Variants in MAP2K5 observed in about 807,000 individuals in gnomAD.
The protein encoded by MAP2K5 is dual specificity mitogen-activated protein kinase kinase 5.
MAP2K5 carries 49 observed loss-of-function variants against 83.1 expected under a neutral mutation model. That is an observed-to-expected ratio of 0.59 (90% CI 0.47 to 0.75). The LOEUF (loss-of-function observed/expected upper bound fraction) is 0.75, where lower values mean the gene tolerates loss of function less well. Among genes scored for constraint, MAP2K5 ranks in the 30% least tolerant of loss-of-function variants. The probability of loss-of-function intolerance (pLI) is 0.00; values close to 1 mark genes in which losing one functional copy is unlikely to be tolerated. For missense variants in MAP2K5, 457 were observed against 557.5 expected, an observed-to-expected ratio of 0.82 and a Z score of 1.82; for synonymous variants, 202 against 191.8, an observed-to-expected ratio of 1.05 and a Z score of -0.44.
Position 67,636,403 on chromosome 15 carries a change from G to A in MAP2K5, c.585+5476G>A, listed in dbSNP as rs532021639. On this transcript the variant is annotated intron_variant, in intron 9 of 21. Transcript: ENST00000178640. This position sits in a 1 kb window ranked among gnomAD's most constrained non-coding sequence, Gnocchi z 4.7. ...AGCCTGGGCAACAGAATAAGACTCC[G>A]TCTCAAAAAAAAAAAAAAAGTATGA... Among the ~76,000 whole-genome samples, 196 of 146,242 alleles carry A rather than the reference G, an allele frequency of 1.3e-3. No individual in the cohort carries two copies. The highest frequency in any genetic ancestry group is 2.4e-3 in the Non-Finnish European group (162 of 66,878).
intron 3 of MAP2K5, among the ~76,000 whole-genome samples, chr15:67,575,394 GGTT>G (rs886805376): frequency 3.3e-4 from 50 of 152,110 alleles, no homozygotes; most frequent in African/African-American, 1.2e-3. Flanking sequence ...GTGGGGGAGT[GGTT>G]GTTGCCAAAG....
At chr15:67,627,928 C>A in intron 8 of MAP2K5, 1 of 788,916 alleles carries the variant, frequency 1.3e-6, no homozygotes. Flanking sequence ...TTGAAACAAC[C>A]GATGAGAGCC....
rs1027123017 is a variant in MAP2K5, at chr15:67,758,545, C to T, written c.1134+9944C>T. Among the ~76,000 whole-genome samples the T allele has an allele frequency of 6.6e-6, 1 of 152,184 alleles. No homozygotes were observed. The highest frequency in any genetic ancestry group is 1.5e-5 in the Non-Finnish European group (1 of 68,038). ...TTTTATTTCTGTCTTCCTAGTACTG[C>T]ACCTAACATCCTATAGGCTCTTGTA... On this transcript the variant is annotated intron_variant, in intron 19 of 21. Coordinates refer to ENST00000178640, the MANE Select transcript of MAP2K5 (RefSeq NM_145160.3). The surrounding 1 kb of genome is among the most constrained non-coding windows in gnomAD (Gnocchi z 4.7).
At chr15:67,772,012 A>G (rs1423916026) in intron 20 of MAP2K5, among the ~76,000 whole-genome samples, 1 of 152,228 alleles carries the variant, frequency 6.6e-6, no homozygotes, top group Non-Finnish European at 1.5e-5. Flanking sequence ...TGTTACAGCT[A>G]CTAATTATAT....
At chr15:67,694,993 G>A (rs982302093) in intron 15 of MAP2K5, among the ~76,000 whole-genome samples, 24 of 151,696 alleles carry the variant, frequency 1.6e-4, no homozygotes, top group African/African-American at 5.3e-4. Context: ...ATCATTCTCA[G>A]TAAACTATTG....
At chr15:67,586,055 A>T (rs997607384) in intron 5 of MAP2K5, 125 bp downstream of exon 5, 24 of 832,186 alleles carry the variant, frequency 2.9e-5, no homozygotes, top group Non-Finnish European at 4.2e-5. Flanking sequence ...TATTTTTTTT[A>T]AATGGGAGGT....
At chr15:67,686,371 C>T in intron 13 of MAP2K5, among the ~76,000 whole-genome samples, 1 of 152,008 alleles carries the variant, frequency 6.6e-6, no homozygotes, top group Non-Finnish European at 1.5e-5. Context: ...CTTTGGGAGG[C>T]CAAGGCAAGC....
At chr15:67,671,054 C>G (rs964399565) in intron 13 of MAP2K5, among the ~76,000 whole-genome samples, 10 of 152,312 alleles carry the variant, frequency 6.6e-5, no homozygotes, top group African/African-American at 2.4e-4. Context: ...CTGGGTGACC[C>G]CAGAAAGGCA....
chr15:67,553,577 T>G (rs1744173937), intron 2 of MAP2K5, among the ~76,000 whole-genome samples: 1 of 152,228 alleles, frequency 6.6e-6, no homozygotes, highest in South Asian at 2.1e-4. Context: ...TGACTTTTTT[T>G]TCTGAACCAG....
intron 13 of MAP2K5, among the ~76,000 whole-genome samples, chr15:67,679,068 A>G (rs2087750271): frequency 6.6e-6 from 1 of 151,362 alleles, no homozygotes; most frequent in South Asian, 2.1e-4. Context: ...AGGAGCTTTT[A>G]TTTGTTTTGA....
intron 3 of MAP2K5, among the ~76,000 whole-genome samples, chr15:67,575,373 G>T (rs540317509): frequency 1.3e-5 from 2 of 152,014 alleles, no homozygotes; most frequent in Non-Finnish European, 2.9e-5. Context: ...GTGGCGGGGC[G>T]GGGGAGGGCA....
Position 67,636,991 on chromosome 15 carries a change from G to A in MAP2K5, c.585+6064G>A, listed in dbSNP as rs1036482159. 2.0e-5 allele frequency among the ~76,000 whole-genome samples: 3 copies of A among 152,144 alleles called. No individual in the cohort carries two copies. The highest frequency in any genetic ancestry group is 2.1e-4 in the South Asian group (1 of 4,822). On this transcript the variant is annotated intron_variant, in intron 9 of 21. Transcript: ENST00000178640. The surrounding 1 kb of genome is among the most constrained non-coding windows in gnomAD (Gnocchi z 4.7). ...AGGACTTGACTTGCTGAGTCTTCCCGCCTTCATCTTTCTTCCATGCTGGAT... is the reference window on the plus strand; with the variant it reads ...AGGACTTGACTTGCTGAGTCTTCCCACCTTCATCTTTCTTCCATGCTGGAT...
intron 16 of MAP2K5, among the ~76,000 whole-genome samples, chr15:67,709,897 A>C (rs1353959395): frequency 6.6e-6 from 1 of 152,126 alleles, no homozygotes; most frequent in Non-Finnish European, 1.5e-5. Context: ...TAATATTCTT[A>C]TTTTCACTGA....
chr15:67,693,541 G>C lies in MAP2K5; in HGVS notation c.945G>C (p.Thr315=). The C allele has an allele frequency of 6.2e-7, 1 of 1,611,660 alleles. No homozygotes were observed. Among genetic ancestry groups the C allele is most frequent in the South Asian group, 1.1e-5 (1 of 90,844 alleles). The change falls in exon 15 of 22, where the codon ACG becomes ACC. Residue 315 remains threonine (T), a synonymous_variant. Coordinates refer to ENST00000178640, the MANE Select transcript of MAP2K5 (RefSeq NM_145160.3). ...AGCTGGTGAATTCTATAGCCAAGACGTATGTTGGAACAAATGCTTATATGG... is the reference window on the plus strand; with the variant it reads ...AGCTGGTGAATTCTATAGCCAAGACCTATGTTGGAACAAATGCTTATATGG... ...STQLVNSIAK[T]YVGTNAYMAP... is the part of the protein sequence containing the mutation.
intron 9 of MAP2K5, among the ~76,000 whole-genome samples, chr15:67,635,028 C>T (rs2086568695): frequency 6.6e-6 from 1 of 152,000 alleles, no homozygotes; most frequent in African/African-American, 2.4e-5. Context: ...CATAGTCTTC[C>T]TATGTAAATA....
chr15:67,565,040 T>C lies in MAP2K5; in HGVS notation c.252+1690T>C, dbSNP rs1453857693. Among the ~76,000 whole-genome samples, 1 of 152,200 alleles carries C rather than the reference T, an allele frequency of 6.6e-6. No individual in the cohort carries two copies. The highest frequency in any genetic ancestry group is 1.5e-5 in the Non-Finnish European group (1 of 68,038). Reference sequence around the variant, plus strand: ...AATAATCACTCTGTAAGACAGATATTATCATCCTTATTTTTTAGATGAGGA... The same window carrying C: ...AATAATCACTCTGTAAGACAGATATCATCATCCTTATTTTTTAGATGAGGA... On this transcript the variant is annotated intron_variant, in intron 3 of 21. Transcript: ENST00000178640. This position sits in a 1 kb window ranked among gnomAD's most constrained non-coding sequence, Gnocchi z 4.1.
At chr15:67,570,958 ACT>A (rs1185260397) in intron 3 of MAP2K5, among the ~76,000 whole-genome samples, 1 of 152,088 alleles carries the variant, frequency 6.6e-6, no homozygotes, top group Non-Finnish European at 1.5e-5. Flanking sequence ...GATTTGAGAA[ACT>A]CTCCTGTTAC....
intron 8 of MAP2K5, chr15:67,628,501 TAAAA>T (rs895802089): frequency 2.9e-6 from 2 of 694,408 alleles, no homozygotes; most frequent in Non-Finnish European, 4.9e-6. Flanking sequence ...AAATAAAAAA[TAAAA>T]AAAAGACACT....
At chr15:67,662,540 TG>T (rs1431507558) in intron 12 of MAP2K5, among the ~76,000 whole-genome samples, 1 of 152,168 alleles carries the variant, frequency 6.6e-6, no homozygotes, top group Non-Finnish European at 1.5e-5. Flanking sequence ...ACCTTGAAAT[TG>T]GTAAGTTCAC....
Sources: gnomAD v4.1 joint callset for allele counts (sites outside exome capture counted in the v4.1 genomes callset) on GRCh38, gnomAD v4.1.1 for gene constraint, Gnocchi (gnomAD v3.1) non-coding constraint, MANE v1.5 for transcripts, NCBI Gene and HGNC (gene_info 2026-07-23, HGNC 2026-07-21) for gene names.